SGCZ: variants seen among roughly 807,000 people sequenced by gnomAD.
SGCZ encodes zeta-sarcoglycan.
In SGCZ, 40 loss-of-function variants were observed where a neutral mutation model predicts 41.3. The observed-to-expected ratio is 0.97, with a 90% confidence interval of 0.75 to 1.26. The LOEUF (loss-of-function observed/expected upper bound fraction) is 1.26. SGCZ is among the 50% of genes most tolerant of loss of function. The pLI is 0.00. For synonymous variants in SGCZ, 206 were observed against 137.5 expected (o/e 1.50, Z -3.49); for missense variants, 552 against 369.8 (o/e 1.49, Z -4.04).
At chr8:14,604,254 G>C (rs2136727) in intron 1 of SGCZ, among the ~76,000 whole-genome samples, 116,371 of 151,960 alleles carry the variant, frequency 0.77, 44,690 homozygotes, top group East Asian at 0.87. Flanking sequence ...AAAATCACTT[G>C]CATTTCACCA....
At chr8:14,344,212 A>C (rs1017696393) in intron 2 of SGCZ, among the ~76,000 whole-genome samples, 2 of 152,090 alleles carry the variant, frequency 1.3e-5, no homozygotes, top group Admixed American at 6.5e-5. Flanking sequence ...GGAATAGAGG[A>C]GACCAGTAGA....
intron 2 of SGCZ, among the ~76,000 whole-genome samples, chr8:14,353,877 T>C (rs541268085): frequency 1.3e-5 from 2 of 152,222 alleles, no homozygotes; most frequent in South Asian, 4.1e-4. Context: ...TCATCTGCTT[T>C]CAGAAGTTTA....
At chr8:14,658,860 G>A (rs917836539) in intron 1 of SGCZ, among the ~76,000 whole-genome samples, 8 of 150,342 alleles carry the variant, frequency 5.3e-5, no homozygotes, top group Non-Finnish European at 8.9e-5. Context: ...AATTGAAGGA[G>A]GGAAGGAAAA....
At chr8:14,484,278 T>C (rs13280185) in intron 2 of SGCZ, among the ~76,000 whole-genome samples, 137,493 of 151,860 alleles carry the variant, frequency 0.91, 63,725 homozygotes, top group East Asian at 1. Flanking sequence ...CTCTGTATAA[T>C]AAACTTTCAT....
At chr8:14,439,278 C>G (rs982725040) in intron 2 of SGCZ, among the ~76,000 whole-genome samples, 1 of 145,214 alleles carries the variant, frequency 6.9e-6, no homozygotes, top group South Asian at 2.2e-4. Context: ...TGCTAACAGT[C>G]CCTTGATTAA....
At chr8:14,731,633 C>A (rs1810242509) in intron 1 of SGCZ, among the ~76,000 whole-genome samples, 1 of 152,124 alleles carries the variant, frequency 6.6e-6, no homozygotes, top group South Asian at 2.1e-4. Flanking sequence ...TTTCTTCTCC[C>A]TTGCTCTGTG....
At chr8:14,465,408 TC>T (rs1437219943) in intron 2 of SGCZ, among the ~76,000 whole-genome samples, 1 of 151,762 alleles carries the variant, frequency 6.6e-6, no homozygotes, top group Middle Eastern at 3.2e-3. Context: ...AATATTATTT[TC>T]CACCTTTCAC....
intron 2 of SGCZ, among the ~76,000 whole-genome samples, chr8:14,504,094 T>C (rs1802234367): frequency 6.6e-6 from 1 of 152,182 alleles, no homozygotes; most frequent in Non-Finnish European, 1.5e-5. Flanking sequence ...TTTTCTTTTT[T>C]GTCTCAATTA....
chr8:14,285,092 G>A (rs28706900), intron 3 of SGCZ, among the ~76,000 whole-genome samples: 7,542 of 152,076 alleles, frequency 0.05, 195 homozygotes, highest in Middle Eastern at 0.096. Flanking sequence ...CCTTTAATAA[G>A]GCTAAGACTC....
intron 2 of SGCZ, among the ~76,000 whole-genome samples, chr8:14,367,443 T>C (rs1190649197): frequency 1.3e-5 from 2 of 152,008 alleles, no homozygotes; most frequent in African/African-American, 4.8e-5. Context: ...AGCACCCCAC[T>C]CTCTGTAGTA....
intron 1 of SGCZ, among the ~76,000 whole-genome samples, chr8:14,696,926 C>T (rs891658144): frequency 6.0e-5 from 9 of 150,592 alleles, no homozygotes; most frequent in African/African-American, 2.2e-4. Context: ...CAAGTGATGA[C>T]AGTGAAAAAT....
chr8:15,017,510 A>T (rs1376316540), intron 1 of SGCZ, among the ~76,000 whole-genome samples: 1 of 151,104 alleles, frequency 6.6e-6, no homozygotes, highest in African/African-American at 2.4e-5. Context: ...GCATCACATT[A>T]TTTTTTTTTG....
At chr8:14,473,359 C>T (rs1801265292) in intron 2 of SGCZ, among the ~76,000 whole-genome samples, 1 of 151,974 alleles carries the variant, frequency 6.6e-6, no homozygotes, top group African/African-American at 2.4e-5. Context: ...TCAGATTAAA[C>T]CAAAGTTCTT....
chr8:14,551,561 A>G (rs1407791198), intron 2 of SGCZ, among the ~76,000 whole-genome samples: 2 of 17,904 alleles, frequency 1.1e-4, no homozygotes, highest in Admixed American at 1.0e-3. Context: ...AATATATATT[A>G]TATATATAAT....
At chr8:14,299,142 A>T (rs1339535960) in intron 3 of SGCZ, among the ~76,000 whole-genome samples, 1 of 151,998 alleles carries the variant, frequency 6.6e-6, no homozygotes, top group African/African-American at 2.4e-5. Flanking sequence ...GTACACATCA[A>T]TCACCCTCAA....
intron 1 of SGCZ, among the ~76,000 whole-genome samples, chr8:14,973,340 A>C (rs1801361006): frequency 2.6e-5 from 4 of 152,164 alleles, no homozygotes; most frequent in Non-Finnish European, 2.9e-5. Context: ...AAATGACTAG[A>C]GAAAGTTTAC....
chr8:15,121,968 G>A (rs546545221), intron 1 of SGCZ, among the ~76,000 whole-genome samples: 22 of 149,372 alleles, frequency 1.5e-4, no homozygotes, highest in South Asian at 1.0e-3. Flanking sequence ...GTATGGAAGC[G>A]AAAGGTATAT....
chr8:14,847,997 T>G (rs922801998), intron 1 of SGCZ, among the ~76,000 whole-genome samples: 3 of 151,940 alleles, frequency 2.0e-5, no homozygotes, highest in Non-Finnish European at 4.4e-5. Context: ...AAATTAAATA[T>G]AACCTACAAA....
At chr8:14,664,624 T>C (rs1017642912) in intron 1 of SGCZ, among the ~76,000 whole-genome samples, 7 of 152,174 alleles carry the variant, frequency 4.6e-5, no homozygotes, top group Admixed American at 2.0e-4. Flanking sequence ...TGTAACCAAC[T>C]AGTGGGACTA....
Sources: gnomAD v4.1 joint callset for allele counts (sites outside exome capture counted in the v4.1 genomes callset) on GRCh38, gnomAD v4.1.1 for gene constraint, MANE v1.5 for transcripts, NCBI Gene and HGNC (gene_info 2026-07-23, HGNC 2026-07-21) for gene names.